The following STXBP5 variants were observed in gnomAD, a reference collection of about 807,000 sequenced individuals.
The protein encoded by STXBP5 is syntaxin-binding protein 5.
STXBP5 carries 50 observed loss-of-function variants against 152.4 expected under a neutral mutation model. That is an observed-to-expected ratio of 0.33 (90% CI 0.26 to 0.42). The LOEUF (loss-of-function observed/expected upper bound fraction) is 0.42, where lower values mean the gene tolerates loss of function less well. STXBP5 is among the 10% of genes least tolerant of loss of function. The probability of loss-of-function intolerance (pLI) is 1.00; values close to 1 mark genes in which losing one functional copy is unlikely to be tolerated. For missense variants in STXBP5, 1,167 were observed against 1,388.6 expected (o/e 0.84, Z 2.54); for synonymous variants, 492 against 494.7 (o/e 0.99, Z 0.07).
intron 4 of STXBP5, among the ~76,000 whole-genome samples, chr6:147,258,297 A>G (rs1194442752): frequency 1.3e-5 from 2 of 152,212 alleles, no homozygotes; most frequent in East Asian, 1.9e-4. Context: ...TTTCTATTGC[A>G]TGTGACTCAA....
intron 18 of STXBP5, among the ~76,000 whole-genome samples, chr6:147,332,816 A>G (rs931103583): frequency 6.6e-6 from 1 of 152,072 alleles, no homozygotes; most frequent in African/African-American, 2.4e-5. Context: ...CTGTAATTCA[A>G]CTCCTAAATG....
At chr6:147,357,611 TGTCTAA>T (rs1784871472) in intron 22 of STXBP5, among the ~76,000 whole-genome samples, 1 of 152,084 alleles carries the variant, frequency 6.6e-6, no homozygotes, top group South Asian at 2.1e-4. Flanking sequence ...AGCTGGGAAT[TGTCTAA>T]GTAAATGGTG....
At chr6:147,236,831 T>C (rs915154378) in intron 3 of STXBP5, among the ~76,000 whole-genome samples, 1 of 151,044 alleles carries the variant, frequency 6.6e-6, no homozygotes, top group African/African-American at 2.4e-5. Flanking sequence ...CAGGCTGGCA[T>C]GCAATGGCGT....
intron 7 of STXBP5, among the ~76,000 whole-genome samples, chr6:147,277,410 T>G (rs911872720): frequency 6.6e-6 from 1 of 152,102 alleles, no homozygotes; most frequent in African/African-American, 2.4e-5. Context: ...GAGAGTGATT[T>G]AAAAAGTTTT....
chr6:147,374,868 G>A (rs1208072445), intron 26 of STXBP5, among the ~76,000 whole-genome samples: 4 of 152,048 alleles, frequency 2.6e-5, no homozygotes, highest in African/African-American at 9.7e-5. Context: ...TAATTTAAGA[G>A]TAAGGGTGAA....
intron 9 of STXBP5, among the ~76,000 whole-genome samples, chr6:147,294,259 A>G (rs693850): frequency 0.14 from 21,336 of 151,944 alleles, 1,754 homozygotes; most frequent in Middle Eastern, 0.2. Flanking sequence ...GAGTCAGACT[A>G]CTTGGGTCTG....
chr6:147,242,523 C>T (rs1365572800), intron 4 of STXBP5, among the ~76,000 whole-genome samples: 1 of 152,160 alleles, frequency 6.6e-6, no homozygotes, highest in East Asian at 1.9e-4. Flanking sequence ...CCTGCAAGCT[C>T]CGTTCATGAT....
intron 23 of STXBP5, among the ~76,000 whole-genome samples, chr6:147,359,801 T>C (rs1784983847): frequency 6.6e-6 from 1 of 152,090 alleles, no homozygotes; most frequent in Non-Finnish European, 1.5e-5. Flanking sequence ...CATCATTTTT[T>C]ATGGCTGCAT....
At chr6:147,217,358 C>G (rs1203219748) in intron 2 of STXBP5, among the ~76,000 whole-genome samples, 1 of 152,188 alleles carries the variant, frequency 6.6e-6, no homozygotes, top group Non-Finnish European at 1.5e-5. Flanking sequence ...GGAATGGATG[C>G]TGGGATAAAA....
chr6:147,309,324 C>T (rs1466054630), intron 9 of STXBP5, among the ~76,000 whole-genome samples: 1 of 151,890 alleles, frequency 6.6e-6, no homozygotes, highest in Non-Finnish European at 1.5e-5. Context: ...TATAATGTAC[C>T]ATAAATAACT....
chr6:147,287,162 G>A (rs1781010207), intron 8 of STXBP5, among the ~76,000 whole-genome samples: 1 of 148,664 alleles, frequency 6.7e-6, no homozygotes, highest in African/African-American at 2.5e-5. Flanking sequence ...TTACAATAGG[G>A]TGACTATAGT....
At chr6:147,361,181 T>A (rs1359652002) in intron 23 of STXBP5, among the ~76,000 whole-genome samples, 2 of 152,154 alleles carry the variant, frequency 1.3e-5, no homozygotes, top group Non-Finnish European at 2.9e-5. Flanking sequence ...TTGGGGTTAC[T>A]TTTATTTTCA....
chr6:147,256,556 G>A (rs1209144963), intron 4 of STXBP5, among the ~76,000 whole-genome samples: 2 of 152,116 alleles, frequency 1.3e-5, no homozygotes, highest in African/African-American at 2.4e-5. Flanking sequence ...GGTTTAAGAA[G>A]CATTATGGTA....
At chr6:147,295,339 A>C (rs553635185) in intron 9 of STXBP5, among the ~76,000 whole-genome samples, 1 of 152,194 alleles carries the variant, frequency 6.6e-6, no homozygotes, top group South Asian at 2.1e-4. Flanking sequence ...CACCATTCAA[A>C]TAATTACCAG....
intron 9 of STXBP5, among the ~76,000 whole-genome samples, chr6:147,301,379 T>TA (rs1045897551): frequency 2.0e-5 from 3 of 152,186 alleles, no homozygotes; most frequent in South Asian, 2.1e-4. Context: ...CACTTGGTCT[T>TA]ACGTCTGTTA....
intron 9 of STXBP5, among the ~76,000 whole-genome samples, chr6:147,291,801 GA>G (rs1021608215): frequency 6.6e-6 from 1 of 151,936 alleles, no homozygotes; most frequent in African/African-American, 2.4e-5. Context: ...ACTTCTAAAA[GA>G]AACTCTTTTA....
intron 9 of STXBP5, among the ~76,000 whole-genome samples, chr6:147,307,889 T>C (rs899880177): frequency 7.2e-5 from 11 of 152,190 alleles, no homozygotes; most frequent in Admixed American, 7.2e-4. Context: ...CTAGCTACCA[T>C]GGTGTCAAGA....
chr6:147,326,832 G>A (rs554341961), intron 17 of STXBP5, among the ~76,000 whole-genome samples: 5 of 152,148 alleles, frequency 3.3e-5, no homozygotes, highest in African/African-American at 9.7e-5. Context: ...TAGATGTTGC[G>A]TTGTGAGATG....
chr6:147,292,553 A>G (rs987748650), intron 9 of STXBP5: 5 of 153,958 alleles, frequency 3.2e-5, no homozygotes, highest in African/African-American at 1.2e-4. Context: ...CCCTGCCACC[A>G]ATTGATTTTT....
Sources: gnomAD v4.1 joint callset for allele counts (sites outside exome capture counted in the v4.1 genomes callset) on GRCh38, gnomAD v4.1.1 for gene constraint, MANE v1.5 for transcripts, NCBI Gene and HGNC (gene_info 2026-07-23, HGNC 2026-07-21) for gene names.